Variants in WASF2 observed in about 807,000 individuals in gnomAD.
WASF2 encodes the protein actin-binding protein WASF2.
WASF2 carries 14 observed loss-of-function variants against 45.0 expected under a neutral mutation model. The ratio of observed to expected loss-of-function variants is 0.31; its 90% confidence interval spans 0.21 to 0.49. WASF2 has a LOEUF of 0.49. WASF2 is among the 20% of genes least tolerant of loss of function. WASF2 has a pLI of 0.99. For missense variants in WASF2, 439 were observed against 636.1 expected, an observed-to-expected ratio of 0.69 and a Z score of 3.33; for synonymous variants, 200 against 236.3, an observed-to-expected ratio of 0.85 and a Z score of 1.41.
At chr1:27,448,229 A>G (rs1432249768) in intron 1 of WASF2, among the ~76,000 whole-genome samples, 1 of 152,218 alleles carries the variant, frequency 6.6e-6, no homozygotes, top group African/African-American at 2.4e-5. Context: ...TTCTCCATGC[A>G]TGCATGAATT....
chr1:27,432,157 T>C (rs892161201), intron 1 of WASF2, among the ~76,000 whole-genome samples: 12 of 152,282 alleles, frequency 7.9e-5, no homozygotes, highest in Non-Finnish European at 1.8e-4. Context: ...AAAATAAACT[T>C]AGAATTGGGC....
At chr1:27,429,637 C>T (rs1215224157) in intron 1 of WASF2, among the ~76,000 whole-genome samples, 2 of 151,754 alleles carry the variant, frequency 1.3e-5, no homozygotes, top group East Asian at 1.9e-4. Flanking sequence ...ATTGGCCAGG[C>T]GTGTCGCGGG....
At chr1:27,429,662 G>C (rs1359593480) in intron 1 of WASF2, among the ~76,000 whole-genome samples, 2 of 151,754 alleles carry the variant, frequency 1.3e-5, no homozygotes, top group Non-Finnish European at 2.9e-5. Flanking sequence ...TGTAATCCCA[G>C]TTACTGAGGA....
intron 1 of WASF2, among the ~76,000 whole-genome samples, chr1:27,489,122 C>T (rs1171809154): frequency 6.6e-6 from 1 of 151,922 alleles, no homozygotes; most frequent in Non-Finnish European, 1.5e-5. Context: ...CTCTCAGAGG[C>T]TCTAGGATTC....
chr1:27,481,017 G>A (rs2017840674), intron 1 of WASF2, among the ~76,000 whole-genome samples: 1 of 151,174 alleles, frequency 6.6e-6, no homozygotes, highest in South Asian at 2.1e-4. Flanking sequence ...TAGCCTGGGT[G>A]ACAGAGTGAG....
At chr1:27,488,962 G>A (rs2017984545) in intron 1 of WASF2, among the ~76,000 whole-genome samples, 1 of 152,080 alleles carries the variant, frequency 6.6e-6, no homozygotes, top group African/African-American at 2.4e-5. Context: ...CCTAAGCAAG[G>A]GTTGACACCT....
In WASF2 at chr1:27,409,962, G is replaced by A; in HGVS notation, c.1069C>T (p.Pro357Ser). Reference protein sequence around the residue: ...PPPPSPPSFPPHPDFAAPPPP... With the variant: ...PPPPSPPSFPSHPDFAAPPPP... ...GGAGGGGCAGCAAAATCAGGGTGAG[G>A]TGGGAAAGATGGGGGTGAGGGTGGT... Residue 357 changes from proline (P) to serine (S), a missense_variant, in exon 8 of 9, where the codon CCT becomes TCT. Transcript: ENST00000618852. 6.2e-7 allele frequency: 1 copy of A among 1,612,602 alleles called. No individual in the cohort carries two copies. The highest frequency in any genetic ancestry group is 8.5e-7 in the Non-Finnish European group (1 of 1,179,262).
intron 8 of WASF2, 128 bp from the exon 9 acceptor site, chr1:27,408,474 G>C: frequency 7.7e-7 from 1 of 1,291,510 alleles, no homozygotes; most frequent in East Asian, 2.6e-5. Flanking sequence ...AAAGAAGGTT[G>C]TTATGGAAAA....
chr1:27,464,860 C>A (rs1295290738), intron 1 of WASF2, among the ~76,000 whole-genome samples: 1 of 152,214 alleles, frequency 6.6e-6, no homozygotes, highest in Admixed American at 6.5e-5. Context: ...TCCCAAGTAG[C>A]TGGGATTACA....
chr1:27,468,700 C>T (rs2017648835), intron 1 of WASF2, among the ~76,000 whole-genome samples: 1 of 150,286 alleles, frequency 6.7e-6, no homozygotes, highest in Non-Finnish European at 1.5e-5. Flanking sequence ...GTAAAAGAGG[C>T]CGGGCACGGT....
Position 27,423,949 on chromosome 1 carries a change from G to C in WASF2, c.130+4812C>G, listed in dbSNP as rs571615950. ...AGCTTGATTTTTTAATGACCCAAGT[G>C]GGGGTTCCATTCTCCCGAGTGGCCA... On this transcript the variant is annotated intron_variant, in intron 2 of 8. Coordinates refer to ENST00000618852, the MANE Select transcript of WASF2 (RefSeq NM_006990.5). 3.3e-5 allele frequency among the ~76,000 whole-genome samples: 5 copies of C among 152,130 alleles called. No homozygotes were observed. The South Asian group carries it at 1.0e-3, about 32-fold the overall frequency.
intron 1 of WASF2, among the ~76,000 whole-genome samples, chr1:27,454,177 A>T (rs1571148289): frequency 2.0e-4 from 4 of 19,926 alleles, no homozygotes; most frequent in African/African-American, 4.2e-4. Flanking sequence ...ATATATATAT[A>T]TATATATATA....
At chr1:27,419,596 C>T (rs562876929) in intron 2 of WASF2, among the ~76,000 whole-genome samples, 5 of 152,256 alleles carry the variant, frequency 3.3e-5, no homozygotes, top group South Asian at 2.1e-4. Flanking sequence ...TCCTGGGTGA[C>T]GGAGCGAGAC....
At chr1:27,463,450 C>T (rs950257173) in intron 1 of WASF2, among the ~76,000 whole-genome samples, 1 of 151,292 alleles carries the variant, frequency 6.6e-6, no homozygotes, top group African/African-American at 2.4e-5. Context: ...ACGGTAAAAC[C>T]CCGTCTCTAG....
chr1:27,464,151 G>A (rs962452695), intron 1 of WASF2, among the ~76,000 whole-genome samples: 4 of 151,844 alleles, frequency 2.6e-5, no homozygotes, highest in Non-Finnish European at 5.9e-5. Flanking sequence ...AGGCCGAGGC[G>A]GGTGGATTGC....
intron 2 of WASF2, among the ~76,000 whole-genome samples, chr1:27,423,122 C>T (rs544931257): frequency 4.6e-5 from 6 of 129,044 alleles, no homozygotes; most frequent in Non-Finnish European, 9.4e-5. Flanking sequence ...GCCTGGGCAA[C>T]GGAGTGAGAC....
chr1:27,460,262 C>G (rs1296353565), intron 1 of WASF2, among the ~76,000 whole-genome samples: 3 of 151,812 alleles, frequency 2.0e-5, no homozygotes, highest in Non-Finnish European at 4.4e-5. Flanking sequence ...GAAATTCCTG[C>G]TGGTATTTTT....
chr1:27,446,891 G>A (rs1314286480), intron 1 of WASF2, among the ~76,000 whole-genome samples: 1 of 152,042 alleles, frequency 6.6e-6, no homozygotes, highest in Non-Finnish European at 1.5e-5. Context: ...GACCACCCGT[G>A]AGCATTCTTC....
intron 1 of WASF2, among the ~76,000 whole-genome samples, chr1:27,454,183 A>AT (rs2017433113): frequency 7.1e-4 from 6 of 8,480 alleles, no homozygotes; most frequent in African/African-American, 1.8e-3. Flanking sequence ...ATATATATAT[A>AT]TATATTTTTT....
Sources: gnomAD v4.1 joint callset for allele counts (sites outside exome capture counted in the v4.1 genomes callset) on GRCh38, gnomAD v4.1.1 for gene constraint, MANE v1.5 for transcripts, NCBI Gene and HGNC (gene_info 2026-07-23, HGNC 2026-07-21) for gene names.